Variants in PRELID2 observed in about 807,000 individuals in gnomAD.
PRELID2 encodes the protein PRELI domain containing 2.
PRELID2 carries 25 observed loss-of-function variants against 28.4 expected under a neutral mutation model. The ratio of observed to expected loss-of-function variants is 0.88; its 90% CI spans 0.64 to 1.23. The LOEUF (loss-of-function observed/expected upper bound fraction) is 1.23. Ranked by LOEUF, PRELID2 falls within the 50% of genes most tolerant of loss-of-function variation. The probability of loss-of-function intolerance (pLI) is 0.00; values close to 1 mark genes in which losing one functional copy is unlikely to be tolerated. For synonymous variants in PRELID2, 76 were observed against 71.6 expected, an observed-to-expected ratio of 1.06 and a Z score of -0.31; for missense variants, 201 against 214.4, an observed-to-expected ratio of 0.94 and a Z score of 0.39.
chr5:145,670,526 T>C (rs1044066006), intron 1 of PRELID2, among the ~76,000 whole-genome samples: 1 of 152,198 alleles, frequency 6.6e-6, no homozygotes, highest in Admixed American at 6.6e-5. Flanking sequence ...CCCTGGTTTT[T>C]AGCACATTGC....
chr5:145,468,369 A>G (rs529506878), downstream of PRELID2, among the ~76,000 whole-genome samples: 6 of 152,306 alleles, frequency 3.9e-5, no homozygotes, highest in Admixed American at 2.0e-4. Flanking sequence ...TAGTGCCTCA[A>G]TAAACATACG....
intron 4 of PRELID2, among the ~76,000 whole-genome samples, chr5:145,811,249 T>C (rs980910007): frequency 5.9e-5 from 9 of 152,036 alleles, no homozygotes; most frequent in Non-Finnish European, 1.2e-4. Context: ...CCATGACATA[T>C]GGGAATTGTG....
chr5:145,380,326 G>T, the PRELID2 span, among the ~76,000 whole-genome samples: 1 of 152,092 alleles, frequency 6.6e-6, no homozygotes, highest in African/African-American at 2.4e-5. Flanking sequence ...CCCAGCTTTT[G>T]TGTCTTCCCT....
chr5:145,696,208 T>C (rs1380096633), intron 1 of PRELID2, among the ~76,000 whole-genome samples: 1 of 148,794 alleles, frequency 6.7e-6, no homozygotes, highest in African/African-American at 2.5e-5. Context: ...AAATAGCCAT[T>C]TGCCAGTTTA....
the PRELID2 span, among the ~76,000 whole-genome samples, chr5:145,271,630 G>A: frequency 1.3e-5 from 2 of 152,254 alleles, no homozygotes; most frequent in East Asian, 1.9e-4. Context: ...ATTAAAAGCA[G>A]GAGAAGCATT....
At position 145,761,646 on chromosome 5, in the gene PRELID2, T is replaced by C. The variant is rs563343431; in HGVS notation, c.*11-1121A>G. 2.6e-5 allele frequency among the ~76,000 whole-genome samples: 4 copies of C among 152,352 alleles called. No homozygotes were observed. In the East Asian group the frequency reaches 5.8e-4, roughly 22 times the overall value. ...GTAAATATTATAGGCTTTGTAGCTA[T>C]AAGGTCACTGTTATAACTATTCAAC... On this transcript the variant is annotated intron_variant, in intron 6 of 6. Transcript: ENST00000683046.
the PRELID2 span, among the ~76,000 whole-genome samples, chr5:145,392,360 C>A: frequency 2.0e-5 from 3 of 152,144 alleles, no homozygotes; most frequent in Non-Finnish European, 4.4e-5. Flanking sequence ...AAACCATCAG[C>A]TCTTGGGGGA....
At chr5:145,820,936 G>C (rs957085200) in intron 2 of PRELID2, among the ~76,000 whole-genome samples, 2 of 152,072 alleles carry the variant, frequency 1.3e-5, no homozygotes, top group Non-Finnish European at 2.9e-5. Context: ...CTGACCTTTC[G>C]ACTTGGGGTT....
intron 5 of PRELID2, among the ~76,000 whole-genome samples, chr5:145,794,163 C>T (rs1752581933): frequency 6.6e-6 from 1 of 152,020 alleles, no homozygotes; most frequent in African/African-American, 2.4e-5. Flanking sequence ...CAGAGAAAAC[C>T]AGACTACACA....
intron 4 of PRELID2, among the ~76,000 whole-genome samples, chr5:145,804,624 C>T (rs1026968851): frequency 6.6e-6 from 1 of 152,106 alleles, no homozygotes; most frequent in African/African-American, 2.4e-5. Context: ...ATTCTCACAA[C>T]AGCCTTATAA....
the PRELID2 span, among the ~76,000 whole-genome samples, chr5:145,318,411 G>A: frequency 6.6e-6 from 1 of 152,062 alleles, no homozygotes. Context: ...ACATCAGTTG[G>A]GATATTTAAA....
At chr5:145,580,471 G>A (rs1753099239) in intron 1 of PRELID2, among the ~76,000 whole-genome samples, 1 of 151,948 alleles carries the variant, frequency 6.6e-6, no homozygotes, top group South Asian at 2.1e-4. Context: ...CCTAACATGT[G>A]GCTCAGAGGC....
At chr5:145,449,597 T>C in the PRELID2 span, among the ~76,000 whole-genome samples, 3 of 152,088 alleles carry the variant, frequency 2.0e-5, no homozygotes, top group African/African-American at 7.2e-5. Flanking sequence ...GGAATGCCTG[T>C]TCCCATTTAG....
the PRELID2 span, among the ~76,000 whole-genome samples, chr5:145,424,114 C>A: frequency 6.6e-6 from 1 of 150,722 alleles, no homozygotes; most frequent in East Asian, 2.0e-4. Flanking sequence ...CAGCTGCGTG[C>A]TGGGAGAACC....
chr5:145,755,012 G>C (rs1352805389), downstream of PRELID2, among the ~76,000 whole-genome samples: 1 of 152,158 alleles, frequency 6.6e-6, no homozygotes, highest in Non-Finnish European at 1.5e-5. Flanking sequence ...GTGCAGACAA[G>C]AGTGGAGCTT....
the PRELID2 span, among the ~76,000 whole-genome samples, chr5:145,356,658 T>C: frequency 6.6e-6 from 1 of 152,192 alleles, no homozygotes. Flanking sequence ...AGCCTATGGG[T>C]ATCACTGCAC....
intron 1 of PRELID2, among the ~76,000 whole-genome samples, chr5:145,674,339 T>C (rs1754771709): frequency 7.0e-6 from 1 of 142,780 alleles, no homozygotes; most frequent in Non-Finnish European, 1.5e-5. Context: ...GGCCCGGGTG[T>C]GTGATGTTCC....
chr5:145,709,503 C>A (rs893876946), intron 1 of PRELID2, among the ~76,000 whole-genome samples: 7 of 151,334 alleles, frequency 4.6e-5, no homozygotes, highest in African/African-American at 1.7e-4. Flanking sequence ...CTTCGCTAAT[C>A]GAGTGTTGGA....
chr5:145,500,416 A>G (rs1286296605), intron 1 of PRELID2, among the ~76,000 whole-genome samples: 1 of 148,046 alleles, frequency 6.8e-6, no homozygotes, highest in Non-Finnish European at 1.5e-5. Flanking sequence ...GCCTGTAGAA[A>G]GTGAGCCAAT....
Sources: allele counts gnomAD v4.1 joint callset (sites outside exome capture counted in the v4.1 genomes callset), GRCh38; gene constraint gnomAD v4.1.1; transcripts MANE v1.5; gene names NCBI Gene and HGNC (gene_info 2026-07-23, HGNC 2026-07-21).